Variants in MFF observed in about 807,000 individuals in gnomAD.
MFF encodes the protein mitochondrial fission factor.
In MFF, 12 loss-of-function variants were observed where a neutral mutation model predicts 36.9. The observed-to-expected ratio is 0.33, with a 90% CI of 0.21 to 0.53. The LOEUF (loss-of-function observed/expected upper bound fraction) is 0.53, where lower values mean the gene tolerates loss of function less well. Ranked by LOEUF, MFF falls within the 20% of genes least tolerant of loss-of-function variation. The pLI is 0.95. For synonymous variants in MFF, 99 were observed against 126.2 expected (o/e 0.78, Z 1.44); for missense variants, 348 against 366.6 (o/e 0.95, Z 0.42).
chr2:227,340,402 T>C (rs1574943098), intron 5 of MFF, 22 bp downstream of exon 5: 1 of 1,570,312 alleles, frequency 6.4e-7, no homozygotes, highest in Non-Finnish European at 8.8e-7. Flanking sequence ...CACTAGCATT[T>C]TATCTCGTTT....
intron 5 of MFF, among the ~76,000 whole-genome samples, chr2:227,343,596 AT>A (rs2106414506): frequency 6.6e-6 from 1 of 152,162 alleles, no homozygotes; most frequent in South Asian, 2.1e-4. Flanking sequence ...TTTTCTCTTT[AT>A]TGTTTTACCC....
intron 6 of MFF, 90 bp from the exon 7 acceptor site, chr2:227,352,424 A>T: frequency 1.1e-6 from 1 of 931,266 alleles, no homozygotes; most frequent in Non-Finnish European, 1.8e-6. Context: ...ATCCTATTTG[A>T]CATTTATTTG....
intron 4 of MFF, among the ~76,000 whole-genome samples, chr2:227,335,086 A>G (rs1201101216): frequency 6.7e-6 from 1 of 149,468 alleles, no homozygotes; most frequent in Non-Finnish European, 1.5e-5. Context: ...CAGGAGAATC[A>G]CTTGAACCCC....
chr2:227,325,602 C>T (rs1248169253), intron 1 of MFF, 175 bp downstream of exon 1: 1 of 152,302 alleles, frequency 6.6e-6, no homozygotes, highest in Non-Finnish European at 1.5e-5. Context: ...CCTGGTCTTT[C>T]CTCCTCCCCG....
At chr2:227,343,868 A>G (rs768803552) in intron 5 of MFF, among the ~76,000 whole-genome samples, 33 of 151,984 alleles carry the variant, frequency 2.2e-4, no homozygotes, top group Non-Finnish European at 4.6e-4. Flanking sequence ...GTTCACTGCA[A>G]CCTCCACCTC....
rs2074667575 is a variant in MFF at position 227,332,399 on chromosome 2, C to CT, written c.182-16dup. On this transcript the variant is annotated intron_variant, in intron 3 of 8. Coordinates refer to ENST00000304593, the MANE Select transcript of MFF (RefSeq NM_001277062.2). ...CCTCCCGCTTTTCTCTTCTTTGTCTCTTTTCTTGAAAACTCCTAGGAAATA... is the reference window on the plus strand; with the variant it reads ...CCTCCCGCTTTTCTCTTCTTTGTCTCTTTTTCTTGAAAACTCCTAGGAAATA... The CT allele has an allele frequency of 1.3e-6, 2 of 1,505,796 alleles. No individual in the cohort carries two copies. The highest frequency in any genetic ancestry group is 1.8e-6 in the Non-Finnish European group (2 of 1,129,388). 93.3% of individuals were successfully genotyped at this position (1,505,796 alleles called of 1,614,324 possible).
At chr2:227,341,057 C>G (rs1299302630) in intron 5 of MFF, among the ~76,000 whole-genome samples, 4 of 152,124 alleles carry the variant, frequency 2.6e-5, no homozygotes, top group African/African-American at 9.7e-5. Context: ...TGGCAAGTAT[C>G]ATGTAAGCGT....
chr2:227,332,334 G>A lies in MFF; in HGVS notation c.182-85G>A, dbSNP rs187937260. The A allele has an allele frequency of 6.5e-4, 660 of 1,016,938 alleles. 4 individuals carry two copies. The East Asian group carries it at 0.013, about 21-fold the overall frequency. The allele number at this position is 1,016,938 out of a possible 1,614,324, so 63.0% of individuals were successfully genotyped here. The stretch of plus-strand genomic sequence containing the variant: ...TGGTATAATTCAAAAGCAGAAGAAG[G>A]TAAATACATTTTAACAAAAATCACT... On this transcript the variant is annotated intron_variant, in intron 3 of 8. Transcript: ENST00000304593.
In MFF at chr2:227,352,546, C is replaced by A. The variant is rs765713755; in HGVS notation, c.632C>A (p.Thr211Asn). The A allele has an allele frequency of 6.2e-6, 10 of 1,613,840 alleles. No individual in the cohort carries two copies. In the Admixed American group the frequency reaches 1.0e-4, roughly 16 times the overall value. ...TTGCGTGGTGGGTCTGCTGCCGCCA[C>A]TTCTAATCCTCATCATGACAACGTC... Reference protein sequence around the residue: ...PVLRGGSAAATSNPHHDNVRY... With the variant: ...PVLRGGSAAANSNPHHDNVRY... The change falls in exon 7 of 9, where the codon ACT (threonine) becomes AAT (asparagine). Residue 211 changes from threonine to asparagine, a missense_variant. Coordinates refer to ENST00000304593, the MANE Select transcript of MFF (RefSeq NM_001277062.2).
intron 7 of MFF, among the ~76,000 whole-genome samples, chr2:227,355,083 C>T (rs1190999113): frequency 6.6e-6 from 1 of 152,166 alleles, no homozygotes; most frequent in Non-Finnish European, 1.5e-5. Flanking sequence ...ATCACTTGAA[C>T]CCCAGAGGTG....
intron 6 of MFF, chr2:227,351,632 T>C (rs1030590040): frequency 2.0e-5 from 3 of 152,214 alleles, no homozygotes; most frequent in African/African-American, 7.2e-5. Context: ...TATTGCTGAT[T>C]GTTTTAGGGG....
chr2:227,338,500 A>G (rs937182534), intron 4 of MFF, among the ~76,000 whole-genome samples: 3 of 152,038 alleles, frequency 2.0e-5, no homozygotes, highest in African/African-American at 7.2e-5. Context: ...TAATTCACAC[A>G]CTATTTGTTT....
chr2:227,341,499 A>AAT lies in MFF; in HGVS notation c.440+1126_440+1127dup, dbSNP rs2075388802. Among the ~76,000 whole-genome samples, 7 of 152,244 alleles carry AAT rather than the reference A, an allele frequency of 4.6e-5. No individual in the cohort carries two copies. The South Asian group carries it at 1.5e-3, about 32-fold the overall frequency. The stretch of plus-strand genomic sequence containing the variant: ...TGTAGGAAGAGAGCAGGTTAAAATG[A>AAT]ATATATATCTCCTTCAGGGAATGCT... On this transcript the variant is annotated intron_variant, in intron 5 of 8. Transcript: ENST00000304593.
chr2:227,338,685 C>G (rs1559962793), intron 4 of MFF, among the ~76,000 whole-genome samples: 1 of 151,632 alleles, frequency 6.6e-6, no homozygotes, highest in Non-Finnish European at 1.5e-5. Context: ...CAAAAATGAG[C>G]AAGGTGTGGT....
At chr2:227,342,902 A>AGATAGTAGATAGTAG (rs2075480343) in intron 5 of MFF, 1 of 1,202,690 alleles carries the variant, frequency 8.3e-7, no homozygotes, top group South Asian at 1.3e-5. Flanking sequence ...TTCACCAGGT[A>AGATAGTAGATAGTAG]ATTGACGTAT....
rs11557342 is a variant in MFF at position 227,332,522 on chromosome 2, G to A, written c.285G>A (p.Thr95=). The A allele has an allele frequency of 0.083, 133,301 of 1,609,596 alleles. 5,195 individuals are homozygous for A. The highest frequency in any genetic ancestry group is 0.12 in the Admixed American group (7,224 of 59,660). ...LALKTPPRVL[T]LSERPLDFLD... ...TGAAAACACCACCTCGTGTACTTACGCTGAGTGAAAGACCACTAGATTTTC... is the reference window on the plus strand; with the variant it reads ...TGAAAACACCACCTCGTGTACTTACACTGAGTGAAAGACCACTAGATTTTC... Residue 95 remains threonine, a synonymous_variant, in exon 4 of 9, where the codon ACG becomes ACA. Transcript: ENST00000304593.
At chr2:227,343,006 A>AT (rs910172331) in intron 5 of MFF, among the ~76,000 whole-genome samples, 2 of 152,080 alleles carry the variant, frequency 1.3e-5, no homozygotes, top group African/African-American at 4.8e-5. Flanking sequence ...AAAAAAAAAA[A>AT]CTAGACCATC....
chr2:227,348,914 C>T (rs987432727), intron 6 of MFF, among the ~76,000 whole-genome samples: 2 of 151,980 alleles, frequency 1.3e-5, no homozygotes, highest in African/African-American at 4.8e-5. Context: ...TATAAAGTAG[C>T]TGGCACTTAA....
chr2:227,350,483 C>G (rs758312146), intron 6 of MFF, among the ~76,000 whole-genome samples: 2 of 151,950 alleles, frequency 1.3e-5, no homozygotes, highest in Non-Finnish European at 2.9e-5. Context: ...CAGATTGTAC[C>G]AGCTTTGAGT....
Sources: allele counts gnomAD v4.1 joint callset (sites outside exome capture counted in the v4.1 genomes callset), GRCh38; gene constraint gnomAD v4.1.1; transcripts MANE v1.5; gene names NCBI Gene and HGNC (gene_info 2026-07-23, HGNC 2026-07-21).